APOOL: variants seen among roughly 807,000 people sequenced by gnomAD.
APOOL encodes the protein MICOS complex subunit MIC27.
APOOL carries 12 observed loss-of-function variants against 23.1 expected under a neutral mutation model. The ratio of observed to expected loss-of-function variants is 0.52; its 90% confidence interval spans 0.33 to 0.84. The LOEUF (loss-of-function observed/expected upper bound fraction) is 0.84. Ranked by LOEUF, APOOL falls within the 40% of genes least tolerant of loss-of-function variation. The probability of loss-of-function intolerance (pLI) is 0.02; values close to 1 mark genes in which losing one functional copy is unlikely to be tolerated. For missense variants in APOOL, 212 were observed against 199.6 expected (o/e 1.06, Z -0.37); for synonymous variants, 77 against 69.9 (o/e 1.10, Z -0.51).
intron 5 of APOOL, among the ~76,000 whole-genome samples, chrX:85,059,987 C>A (rs1257611468): frequency 1.8e-5 from 2 of 109,917 alleles, no homozygotes; most frequent in Non-Finnish European, 3.8e-5. Flanking sequence ...CCTAGGTTTT[C>A]TTCTAGGGTT....
At chrX:85,072,376 G>C (rs919783615) in intron 6 of APOOL, among the ~76,000 whole-genome samples, 2 of 111,116 alleles carry the variant, frequency 1.8e-5, no homozygotes, top group Non-Finnish European at 1.9e-5. Context: ...ACTCTTGGTG[G>C]TAGTGTAAAT....
chrX:85,084,753 C>G (rs769167123), intron 8 of APOOL, among the ~76,000 whole-genome samples: 4 of 111,472 alleles, frequency 3.6e-5, no homozygotes, highest in Non-Finnish European at 7.5e-5. Flanking sequence ...CTTTCTAATT[C>G]AGGAAATTGG....
chrX:85,030,845 T>C (rs1172347045), intron 1 of APOOL, among the ~76,000 whole-genome samples: 1 of 111,585 alleles, frequency 9.0e-6, no homozygotes, highest in Non-Finnish European at 1.9e-5. Context: ...TAAAATCTCA[T>C]AGTTTACCTC....
intron 1 of APOOL, among the ~76,000 whole-genome samples, chrX:85,025,221 G>A (rs750705094): frequency 9.9e-5 from 11 of 110,915 alleles, no homozygotes; most frequent in Admixed American, 4.8e-4. Context: ...ACCAGGTCTC[G>A]CAACAGCTCA....
intron 1 of APOOL, among the ~76,000 whole-genome samples, chrX:85,037,637 T>C (rs937736772): frequency 9.0e-6 from 1 of 111,281 alleles, no homozygotes; most frequent in Admixed American, 9.6e-5. Flanking sequence ...ACTAGGCACA[T>C]AGACCAATGG....
At chrX:85,075,621 A>G (rs1030245144) in intron 8 of APOOL, among the ~76,000 whole-genome samples, 3 of 111,902 alleles carry the variant, frequency 2.7e-5, no homozygotes, top group African/African-American at 9.7e-5. Context: ...TATTCTCACA[A>G]GAATATAATG....
Position 85,035,341 on chromosome X carries a change from C to T in APOOL, c.16-11105C>T, listed in dbSNP as rs979973660. Reference sequence around the variant, plus strand: ...TGCTTGTTCGATTGTCTAAGTTTTGCGTAGATTCTGGATATGAGACCTTTT... The same window carrying T: ...TGCTTGTTCGATTGTCTAAGTTTTGTGTAGATTCTGGATATGAGACCTTTT... On this transcript the variant is annotated intron_variant, in intron 1 of 8. Coordinates refer to ENST00000373173, the MANE Select transcript of APOOL (RefSeq NM_198450.6). 9.0e-5 allele frequency among the ~76,000 whole-genome samples: 10 copies of T among 110,719 alleles called. No homozygotes were observed. The South Asian group carries it at 1.5e-3, about 17-fold the overall frequency.
rs1924436357 is a variant in APOOL, at chrX:85,088,326, T to TTTG, written c.*650_*651insGTT. ...GGTGTGTTTCCCTCTGTTTTTTTTT[T>TTTG]TTTTTTTTTTTTTTTTTTTCCCATT... On this transcript the variant is annotated 3_prime_UTR_variant, in exon 9 of 9. Coordinates refer to ENST00000373173, the MANE Select transcript of APOOL (RefSeq NM_198450.6). 1 of 77,537 alleles carries TTTG rather than the reference T, an allele frequency of 1.3e-5. No individual in the cohort carries two copies. The highest frequency in any genetic ancestry group is 5.1e-5 in the African/African-American group (1 of 19,611). The allele number at this position is 77,537 out of a possible 1,213,427, so 6.4% of individuals were successfully genotyped here.
chrX:85,055,722 C>T (rs961638853), intron 4 of APOOL, 105 bp from the exon 5 acceptor site: 15 of 519,723 alleles, frequency 2.9e-5, no homozygotes, highest in Non-Finnish European at 4.4e-5. Context: ...ATATTTAAAC[C>T]TCATTATTAT....
intron 6 of APOOL, among the ~76,000 whole-genome samples, chrX:85,069,183 AT>A (rs918237593): frequency 2.7e-5 from 3 of 109,254 alleles, no homozygotes; most frequent in Admixed American, 9.9e-5. Flanking sequence ...CAAATATATG[AT>A]TTTTTTTTAA....
chrX:85,012,147 G>C (rs895212243), intron 1 of APOOL, among the ~76,000 whole-genome samples: 2 of 111,749 alleles, frequency 1.8e-5, no homozygotes, highest in South Asian at 3.7e-4. Flanking sequence ...TTCTCAGCTT[G>C]ATCGTTGTTG....
chrX:85,032,486 C>A (rs1670507412), intron 1 of APOOL, among the ~76,000 whole-genome samples: 1 of 108,751 alleles, frequency 9.2e-6, no homozygotes, highest in Non-Finnish European at 1.9e-5. Flanking sequence ...TGCACTCCAG[C>A]CTGGGCAACA....
At chrX:85,006,764 G>T (rs749950494) in intron 1 of APOOL, among the ~76,000 whole-genome samples, 2 of 111,462 alleles carry the variant, frequency 1.8e-5, no homozygotes, top group African/African-American at 6.5e-5. Flanking sequence ...CCTATGAGTA[G>T]GAATTTATAT....
chrX:85,009,753 C>T (rs1921213401), intron 1 of APOOL, among the ~76,000 whole-genome samples: 1 of 111,177 alleles, frequency 9.0e-6, no homozygotes, highest in African/African-American at 3.3e-5. Flanking sequence ...CTGTTAAGCT[C>T]ATTACCCAGT....
At chrX:85,080,074 TTG>T (rs1234987823) in intron 8 of APOOL, among the ~76,000 whole-genome samples, 7 of 111,939 alleles carry the variant, frequency 6.3e-5, no homozygotes, top group African/African-American at 9.8e-5. Context: ...GAAGGGTTTT[TTG>T]TGTCTCTATC....
intron 1 of APOOL, among the ~76,000 whole-genome samples, chrX:85,004,296 C>T (rs1190970903): frequency 8.9e-6 from 1 of 111,890 alleles, no homozygotes; most frequent in Non-Finnish European, 1.9e-5. Flanking sequence ...TCTCGGCGCA[C>T]AGGGCAAGGC....
At chrX:85,060,145 C>G (rs1252289091) in intron 5 of APOOL, among the ~76,000 whole-genome samples, 3 of 108,358 alleles carry the variant, frequency 2.8e-5, no homozygotes, top group African/African-American at 1.0e-4. Flanking sequence ...ATCCTTTCCC[C>G]ATTGCTTGTT....
chrX:85,063,628 G>T (rs755586367), intron 5 of APOOL, among the ~76,000 whole-genome samples: 32 of 111,302 alleles, frequency 2.9e-4, no homozygotes, highest in African/African-American at 4.9e-4. Context: ...TAATCATGTG[G>T]TTTTTGTCTT....
At chrX:85,074,543 T>C in intron 8 of APOOL, 152 bp downstream of exon 8, 1 of 280,317 alleles carries the variant, frequency 3.6e-6, no homozygotes, top group Non-Finnish European at 4.8e-6. Flanking sequence ...GGTTATGAGG[T>C]ACTTAAGTAT....
Sources: gnomAD v4.1 joint callset for allele counts (sites outside exome capture counted in the v4.1 genomes callset) on GRCh38, gnomAD v4.1.1 for gene constraint, MANE v1.5 for transcripts, NCBI Gene and HGNC (gene_info 2026-07-23, HGNC 2026-07-21) for gene names.